The following DAAM1 variants were observed in gnomAD, a reference collection of about 807,000 sequenced individuals.
DAAM1 encodes dishevelled associated activator of morphogenesis 1.
In DAAM1, 52 loss-of-function variants were observed where a neutral mutation model predicts 130.0. The observed-to-expected ratio is 0.40, with a 90% confidence interval of 0.32 to 0.50. The LOEUF (loss-of-function observed/expected upper bound fraction) is 0.50, where lower values mean the gene tolerates loss of function less well. DAAM1 is among the 20% of genes least tolerant of loss of function. DAAM1 has a pLI of 0.61. For synonymous variants in DAAM1, 452 were observed against 444.5 expected (o/e 1.02, Z -0.21); for missense variants, 1,134 against 1,303.8 (o/e 0.87, Z 2.01).
At chr14:59,289,484 C>CT (rs1267212077) in intron 2 of DAAM1, among the ~76,000 whole-genome samples, 1 of 152,000 alleles carries the variant, frequency 6.6e-6, no homozygotes, top group East Asian at 1.9e-4. Context: ...ACAACAGATG[C>CT]TAGTGAGGTT....
chr14:59,289,866 G>A (rs940487091), intron 2 of DAAM1, among the ~76,000 whole-genome samples: 2 of 151,194 alleles, frequency 1.3e-5, no homozygotes, highest in African/African-American at 4.9e-5. Context: ...AGCATCCTTA[G>A]TGAACCAGCC....
At chr14:59,286,623 A>C (rs1178169207) in intron 2 of DAAM1, among the ~76,000 whole-genome samples, 1 of 152,118 alleles carries the variant, frequency 6.6e-6, no homozygotes, top group East Asian at 1.9e-4. Context: ...CACGGAAACA[A>C]ACAAAAAAAT....
At chr14:59,220,783 A>T (rs946282345) in intron 1 of DAAM1, among the ~76,000 whole-genome samples, 1 of 152,178 alleles carries the variant, frequency 6.6e-6, no homozygotes, top group Non-Finnish European at 1.5e-5. Flanking sequence ...CCAGTGTGCA[A>T]TGGAAGGAGA....
chr14:59,214,795 C>T (rs760551879), intron 1 of DAAM1, among the ~76,000 whole-genome samples: 17 of 152,112 alleles, frequency 1.1e-4, no homozygotes, highest in Non-Finnish European at 1.8e-4. Context: ...ATAATGCTGC[C>T]GTCAACATTT....
intron 17 of DAAM1, among the ~76,000 whole-genome samples, chr14:59,351,523 C>T (rs1046071854): frequency 1.3e-5 from 2 of 152,058 alleles, no homozygotes; most frequent in Non-Finnish European, 2.9e-5. Context: ...CTGTGCTGCC[C>T]GTTCCAGACC....
At position 59,352,626 on chromosome 14, in the gene DAAM1, T is replaced by C; in HGVS notation, c.2261T>C (p.Met754Thr). 6.2e-7 allele frequency: 1 copy of C among 1,611,814 alleles called. No individual in the cohort carries two copies. The highest frequency in any genetic ancestry group is 8.5e-7 in the Non-Finnish European group (1 of 1,178,994). The change falls in exon 18 of 25, where the codon ATG becomes ACG. Residue 754 changes from methionine (M) to threonine (T), a missense_variant. Physicochemically the swap from Met to Thr is moderately conservative, Grantham distance 81. Coordinates refer to ENST00000360909, the MANE Select transcript of DAAM1 (RefSeq NM_001270520.2). ...MAKADRFLFE[M>T]SRINHYQQRL... ...AAGGCTGATAGGTTCCTTTTTGAGA[T>C]GAGCCGGTGAGTTTGAAAATGCTGG... is the stretch of plus-strand genomic sequence containing the variant.
At chr14:59,203,984 A>G (rs939636434) in intron 1 of DAAM1, among the ~76,000 whole-genome samples, 1 of 152,272 alleles carries the variant, frequency 6.6e-6, no homozygotes, top group African/African-American at 2.4e-5. Flanking sequence ...GAAACACTGT[A>G]TTAAAAGTTA....
At chr14:59,220,690 A>G (rs1233622452) in intron 1 of DAAM1, among the ~76,000 whole-genome samples, 2 of 152,148 alleles carry the variant, frequency 1.3e-5, no homozygotes, top group South Asian at 2.1e-4. Flanking sequence ...CCAATAGCCA[A>G]TGGTGGTGCT....
At chr14:59,261,520 T>C (rs1882154760) in intron 1 of DAAM1, among the ~76,000 whole-genome samples, 1 of 152,202 alleles carries the variant, frequency 6.6e-6, no homozygotes, top group African/African-American at 2.4e-5. Context: ...TGTTGGATGT[T>C]TGGCTTAGTC....
At chr14:59,211,375 C>T (rs946195511) in intron 1 of DAAM1, among the ~76,000 whole-genome samples, 2 of 152,188 alleles carry the variant, frequency 1.3e-5, no homozygotes, top group Non-Finnish European at 2.9e-5. Context: ...GTGGCACTCT[C>T]TTCTAGGGCA....
intron 1 of DAAM1, among the ~76,000 whole-genome samples, chr14:59,249,023 G>A (rs1041806558): frequency 2.0e-5 from 3 of 152,148 alleles, no homozygotes; most frequent in Admixed American, 6.5e-5. Flanking sequence ...TCCTGACCTC[G>A]TGATCCGTCT....
chr14:59,270,500 C>A (rs1882663144), intron 2 of DAAM1, among the ~76,000 whole-genome samples: 1 of 152,144 alleles, frequency 6.6e-6, no homozygotes, highest in South Asian at 2.1e-4. Flanking sequence ...CCCCATGACC[C>A]AAACACTTCC....
chr14:59,220,305 C>G (rs1471349737), intron 1 of DAAM1, among the ~76,000 whole-genome samples: 1 of 152,154 alleles, frequency 6.6e-6, no homozygotes, highest in African/African-American at 2.4e-5. Flanking sequence ...TATACTTAAC[C>G]TATAAGTGGC....
At position 59,281,192 on chromosome 14, in the gene DAAM1, C is replaced by G. The variant is rs549771651; in HGVS notation, c.184-10025C>G. 1.4e-3 allele frequency among the ~76,000 whole-genome samples: 209 copies of G among 152,242 alleles called. 1 individual carries two copies. The highest frequency in any genetic ancestry group is 4.9e-3 in the African/African-American group (203 of 41,528). On this transcript the variant is annotated intron_variant, in intron 2 of 24. Transcript: ENST00000360909. ...GGGTTGCCTCAGGACTTTCATCTAC[C>G]AGGAGGACATATCAAAAGTATGCCG... is the stretch of plus-strand genomic sequence containing the variant.
At chr14:59,271,495 A>G (rs1882703491) in intron 2 of DAAM1, among the ~76,000 whole-genome samples, 1 of 152,218 alleles carries the variant, frequency 6.6e-6, no homozygotes, top group African/African-American at 2.4e-5. Flanking sequence ...AGTAGAAATG[A>G]AAGAATTTAG....
At chr14:59,255,007 T>C (rs1881812178) in intron 1 of DAAM1, among the ~76,000 whole-genome samples, 1 of 152,184 alleles carries the variant, frequency 6.6e-6, no homozygotes, top group Admixed American at 6.5e-5. Context: ...AGTTCTGGCT[T>C]CCACTCTGTG....
chr14:59,193,014 C>T (rs1263205626), intron 1 of DAAM1, among the ~76,000 whole-genome samples: 1 of 152,228 alleles, frequency 6.6e-6, no homozygotes, highest in East Asian at 1.9e-4. Flanking sequence ...GATTGCGCCA[C>T]TGAACTCCAG....
At chr14:59,362,034 T>TA (rs397762678) in intron 22 of DAAM1, among the ~76,000 whole-genome samples, 7 of 149,106 alleles carry the variant, frequency 4.7e-5, no homozygotes, top group South Asian at 2.1e-4. Flanking sequence ...TTTTTTTTTT[T>TA]AATGTAGGGA....
Position 59,370,317 on chromosome 14 carries a change from AATTAACAAATATTT to A in DAAM1, c.*1464_*1477del, listed in dbSNP as rs1887115421. Reference sequence around the variant, plus strand: ...ACTCACTAAATTGAGTTTTTCAGTCAATTAACAAATATTTATTAAGTTCCTACTATGTACCAGGC... The same window carrying A: ...ACTCACTAAATTGAGTTTTTCAGTCAATTAAGTTCCTACTATGTACCAGGC... On this transcript the variant is annotated 3_prime_UTR_variant, in exon 25 of 25. Coordinates refer to ENST00000360909, the MANE Select transcript of DAAM1 (RefSeq NM_001270520.2). 1 of 152,074 alleles carries A rather than the reference AATTAACAAATATTT, an allele frequency of 6.6e-6. No homozygotes were observed. The highest frequency in any genetic ancestry group is 6.5e-5 in the Admixed American group (1 of 15,272). 9.4% of individuals were successfully genotyped at this position (152,074 alleles called of 1,614,324 possible). A position where few individuals can be genotyped will look rare whatever the true frequency, so the allele number is the denominator to read the frequency against.
Sources: allele counts gnomAD v4.1 joint callset (sites outside exome capture counted in the v4.1 genomes callset), GRCh38; gene constraint gnomAD v4.1.1; transcripts MANE v1.5; gene names NCBI Gene and HGNC (gene_info 2026-07-23, HGNC 2026-07-21).